SIGLEC1: variants seen among roughly 807,000 people sequenced by gnomAD.
The protein encoded by SIGLEC1 is sialoadhesin.
In SIGLEC1, 132 loss-of-function variants were observed where a neutral mutation model predicts 148.0. The observed-to-expected ratio is 0.89, with a 90% CI of 0.77 to 1.03. The LOEUF (loss-of-function observed/expected upper bound fraction) is 1.03. Among genes scored for constraint, SIGLEC1 ranks in the 50% least tolerant of loss-of-function variants. SIGLEC1 has a pLI of 0.00. For missense variants in SIGLEC1, 2,253 were observed against 2,271.4 expected (o/e 0.99, Z 0.16); for synonymous variants, 945 against 969.0 (o/e 0.98, Z 0.46).
In SIGLEC1 at chr20:3,689,948, C is replaced by G. The variant is rs201087617; in HGVS notation, c.4894+14G>C. The stretch of plus-strand genomic sequence containing the variant: ...GTGCAGAGTGGCCTGGGAGATGGAG[C>G]CCCCTCCCCTCACCTCTGACCCCAA... On this transcript the variant is annotated intron_variant, in intron 19 of 21. Transcript: ENST00000344754. 1.1e-5 allele frequency: 17 copies of G among 1,602,586 alleles called. No individual in the cohort carries two copies. The African/African-American group carries it at 1.9e-4, about 18-fold the overall frequency.
chr20:3,697,267 C>G lies in SIGLEC1; in HGVS notation c.2198G>C (p.Arg733Pro). ...TEANLTCNVS[R>P]EAAGSPANFS... ...GTTAGCAGGGCTGCCAGCAGCTTCC[C>G]GGCTCACGTTGCAAGTCAAGTTGGC... Residue 733 changes from arginine to proline, a missense_variant, in exon 10 of 22, where the codon CGG becomes CCG. Arg to Pro is a moderately radical substitution (Grantham distance 103). Transcript: ENST00000344754. 6.2e-7 allele frequency: 1 copy of G among 1,613,998 alleles called. No individual in the cohort carries two copies. Among genetic ancestry groups the G allele is most frequent in the Non-Finnish European group, 8.5e-7 (1 of 1,180,040 alleles).
intron 4 of SIGLEC1, among the ~76,000 whole-genome samples, 178 bp from the exon 5 acceptor site, chr20:3,704,269 C>A (rs977607451): frequency 6.6e-6 from 1 of 152,230 alleles, no homozygotes; most frequent in Non-Finnish European, 1.5e-5. Context: ...CCCTTTCCCG[C>A]CCCCTGCGCC....
chr20:3,701,671 C>T, intron 6 of SIGLEC1, 30 bp from the exon 7 acceptor site: 7 of 1,525,342 alleles, frequency 4.6e-6, no homozygotes, highest in Non-Finnish European at 5.3e-6. Context: ...GGGCCTGTCA[C>T]CCTCAGACAA....
At chr20:3,690,532 G>C (rs2088748276) in intron 18 of SIGLEC1, among the ~76,000 whole-genome samples, 1 of 152,268 alleles carries the variant, frequency 6.6e-6, no homozygotes, top group Non-Finnish European at 1.5e-5. Context: ...CTGGGCACAT[G>C]TGGCCCAACT....
At chr20:3,695,271 T>C (rs2088811290) in intron 11 of SIGLEC1, among the ~76,000 whole-genome samples, 1 of 152,198 alleles carries the variant, frequency 6.6e-6, no homozygotes, top group Non-Finnish European at 1.5e-5. Context: ...TCCTGACAAA[T>C]GTTGGTTCAA....
In SIGLEC1 at chr20:3,697,850, C is replaced by T. The variant is rs763455171; in HGVS notation, c.2070G>A (p.Glu690=). 1 of 1,613,076 alleles carries T rather than the reference C, an allele frequency of 6.2e-7. No homozygotes were observed. The highest frequency in any genetic ancestry group is 8.5e-7 in the Non-Finnish European group (1 of 1,180,012). The change falls in exon 9 of 22, where the codon GAG becomes GAA. Residue 690 remains glutamate, a synonymous_variant. Transcript: ENST00000344754. ...LLEEEGLYLC[E]ASNALGNAST... ...AGGCGTTGCCCAGGGCATTGCTGGCCTCACAGAGGTACAAGCCCTCCTCTT... is the reference window on the plus strand; with the variant it reads ...AGGCGTTGCCCAGGGCATTGCTGGCTTCACAGAGGTACAAGCCCTCCTCTT...
chr20:3,689,602 C>A lies in SIGLEC1; in HGVS notation c.4995G>T (p.Trp1665Cys). Residue 1665 changes from tryptophan to cysteine, a missense_variant and splice_region_variant, in exon 20 of 22, where the codon TGG becomes TGT. Trp to Cys is a radical substitution (Grantham distance 215). Transcript: ENST00000344754. ...CCCACTCCCAGCTCCAGACCCACCTCCAGGTGTAGCAGGCCCCCAGGCCCA... is the reference window on the plus strand; with the variant it reads ...CCCACTCCCAGCTCCAGACCCACCTACAGGTGTAGCAGGCCCCCAGGCCCA... ...LLLGLGACYT[W>C]RRRRVCKQSM... is the part of the protein sequence containing the mutation. 6.4e-7 allele frequency: 1 copy of A among 1,572,946 alleles called. No individual in the cohort carries two copies. Among genetic ancestry groups the A allele is most frequent in the Non-Finnish European group, 8.6e-7 (1 of 1,158,762 alleles).
intron 11 of SIGLEC1, among the ~76,000 whole-genome samples, chr20:3,695,205 C>T (rs2088810716): frequency 6.6e-6 from 1 of 152,226 alleles, no homozygotes; most frequent in Non-Finnish European, 1.5e-5. Flanking sequence ...CTTATGGGCA[C>T]TGGACTTGTG....
Position 3,691,381 on chromosome 20 carries a change from G to T in SIGLEC1, c.4550C>A (p.Thr1517Asn), listed in dbSNP as rs1329830784. Residue 1517 changes from threonine (T) to asparagine (N), a missense_variant, in exon 18 of 22, where the codon ACT becomes AAT. Coordinates refer to ENST00000344754, the MANE Select transcript of SIGLEC1 (RefSeq NM_023068.4). ...GMYHCLAELP[T>N]GAAASAPVML... ...GACTGGAGCAGAGGCAGCAGCCCCA[G>T]TGGGGAGCTCAGCCAGGCAGTGGTA... 5 of 1,613,354 alleles carry T rather than the reference G, an allele frequency of 3.1e-6. No homozygotes were observed. The highest frequency in any genetic ancestry group is 1.6e-4 in the Middle Eastern group (1 of 6,084).
chr20:3,710,252 G>A lies in SIGLEC1; in HGVS notation c.-110+2218C>T, dbSNP rs891226638. ...ACCAGGGGTCACACCTGGGAAGGGG[G>A]TGAGCCGAGGCCCAGGGCCAGTCAG... On this transcript the variant is annotated intron_variant, in intron 1 of 21. Coordinates refer to ENST00000344754, the MANE Select transcript of SIGLEC1 (RefSeq NM_023068.4). The surrounding 1 kb of genome is among the most constrained non-coding windows in gnomAD (Gnocchi z 4.6). 3.3e-5 allele frequency among the ~76,000 whole-genome samples: 5 copies of A among 152,182 alleles called. No individual in the cohort carries two copies. The highest frequency in any genetic ancestry group is 7.2e-5 in the African/African-American group (3 of 41,442).
Position 3,705,822 on chromosome 20 carries a change from C to G in SIGLEC1, c.628G>C (p.Asp210His), listed in dbSNP as rs1365029693. 1 of 1,614,050 alleles carries G rather than the reference C, an allele frequency of 6.2e-7. No homozygotes were observed. The highest frequency in any genetic ancestry group is 8.5e-7 in the Non-Finnish European group (1 of 1,180,026). Residue 210 changes from aspartate to histidine, a missense_variant, in exon 4 of 22, where the codon GAC becomes CAC. Physicochemically the swap from Asp to His is moderately conservative, Grantham distance 81. Coordinates refer to ENST00000344754, the MANE Select transcript of SIGLEC1 (RefSeq NM_023068.4). ...TGGCAGCGCAGGATCCGGCCGTGGTCCTGCCAGGACATGGCCATGTGGAGG... is the reference window on the plus strand; with the variant it reads ...TGGCAGCGCAGGATCCGGCCGTGGTGCTGCCAGGACATGGCCATGTGGAGG... ...ETLHMAMSWQDHGRILRCQLS... is the reference protein window; with the variant it reads ...ETLHMAMSWQHHGRILRCQLS...
Position 3,710,681 on chromosome 20 carries a change from C to A in SIGLEC1, c.-110+1789G>T, listed in dbSNP as rs6037652. On this transcript the variant is annotated intron_variant, in intron 1 of 21. Transcript: ENST00000344754. The surrounding 1 kb of genome is among the most constrained non-coding windows in gnomAD (Gnocchi z 4.6). ...CCAGGGCAGCTATCTTGTCCCAGCT[C>A]CCCTGTTCCTCCCATTTGGGGTCCT... Among the ~76,000 whole-genome samples the A allele has an allele frequency of 1.3e-5, 2 of 152,188 alleles. No individual in the cohort carries two copies. The highest frequency in any genetic ancestry group is 4.8e-5 in the African/African-American group (2 of 41,448).
intron 21 of SIGLEC1, 32 bp from the exon 22 acceptor site, chr20:3,688,651 G>T: frequency 3.2e-6 from 5 of 1,543,216 alleles, no homozygotes; most frequent in Non-Finnish European, 4.4e-6. Flanking sequence ...GTCACAGGAG[G>T]CCTCTGGGAG....
intron 7 of SIGLEC1, 76 bp from the exon 8 acceptor site, chr20:3,699,535 G>C (rs760455481): frequency 5.9e-5 from 91 of 1,529,982 alleles, no homozygotes; most frequent in Non-Finnish European, 7.4e-5. Flanking sequence ...AAGCCTTCCA[G>C]GGTTCTCCTT....
intron 10 of SIGLEC1, 60 bp downstream of exon 10, chr20:3,697,025 T>A (rs2087807036): frequency 9.0e-6 from 14 of 1,556,444 alleles, no homozygotes; most frequent in Non-Finnish European, 1.2e-5. Flanking sequence ...CGGCCCCTGC[T>A]TCTCCCCAGA....
At chr20:3,697,738 G>A in intron 9 of SIGLEC1, 60 bp downstream of exon 9, 1 of 1,517,058 alleles carries the variant, frequency 6.6e-7, no homozygotes, top group Non-Finnish European at 9.1e-7. Context: ...CCTCCTCGGA[G>A]CAGAACAGTC....
At chr20:3,695,440 A>G (rs943524980) in intron 11 of SIGLEC1, among the ~76,000 whole-genome samples, 1 of 152,216 alleles carries the variant, frequency 6.6e-6, no homozygotes, top group East Asian at 1.9e-4. Context: ...TCCAGACTCC[A>G]GGCCACAAGA....
At chr20:3,708,811 G>A (rs959730331) in intron 1 of SIGLEC1, among the ~76,000 whole-genome samples, 1 of 152,152 alleles carries the variant, frequency 6.6e-6, no homozygotes, top group Non-Finnish European at 1.5e-5. Context: ...ACTTTGGGAG[G>A]CTGAGGCATG....
intron 13 of SIGLEC1, among the ~76,000 whole-genome samples, 189 bp from the exon 14 acceptor site, chr20:3,693,887 T>C (rs764895604): frequency 1.3e-5 from 2 of 152,074 alleles, no homozygotes; most frequent in Admixed American, 1.3e-4. Flanking sequence ...TCCTGAGTGG[T>C]CCCAAGTAGA....
Sources: gnomAD v4.1 joint callset for allele counts (sites outside exome capture counted in the v4.1 genomes callset) on GRCh38, gnomAD v4.1.1 for gene constraint, Gnocchi (gnomAD v3.1) non-coding constraint, MANE v1.5 for transcripts, NCBI Gene and HGNC (gene_info 2026-07-23, HGNC 2026-07-21) for gene names.